The following ZNF608 variants were observed in gnomAD, a reference collection of about 807,000 sequenced individuals.
ZNF608 encodes renal carcinoma antigen NY-REN-36.
ZNF608 carries 12 observed loss-of-function variants against 109.0 expected under a neutral mutation model. That is an observed-to-expected ratio of 0.11 (90% CI 0.07 to 0.18). The LOEUF (loss-of-function observed/expected upper bound fraction) is 0.18. ZNF608 is among the 10% of genes least tolerant of loss of function. The pLI is 1.00. For missense variants in ZNF608, 1,707 were observed against 1,879.3 expected, an observed-to-expected ratio of 0.91 and a Z score of 1.70; for synonymous variants, 732 against 717.4, an observed-to-expected ratio of 1.02 and a Z score of -0.33.
rs567194547 is a variant in ZNF608, at chr5:124,746,388, G to C, written c.-377C>G. ...CCTCCCCACCCCCCTTTTGGCAAAC[G>C]AATCAGTCCTTTTCTCCTTAAAAAA... On this transcript the variant is annotated 5_prime_UTR_variant, in exon 1 of 10. Transcript: ENST00000513986. The C allele has an allele frequency of 1.0e-5, 10 of 984,856 alleles. No individual in the cohort carries two copies. In the East Asian group the frequency reaches 1.0e-3, roughly 101 times the overall value. 61.0% of individuals were successfully genotyped at this position (984,856 alleles called of 1,614,324 possible). A position where few individuals can be genotyped will look rare whatever the true frequency, so the allele number is the denominator to read the frequency against.
Position 124,643,796 on chromosome 5 carries a change from A to G in ZNF608, c.4124-113T>C, listed in dbSNP as rs1750361943. 3.8e-6 allele frequency: 4 copies of G among 1,046,168 alleles called. No individual in the cohort carries two copies. In the East Asian group the frequency reaches 7.7e-5, roughly 20 times the overall value. The allele number at this position is 1,046,168 out of a possible 1,614,324, so 64.8% of individuals were successfully genotyped here. A position where few individuals can be genotyped will look rare whatever the true frequency, so the allele number is the denominator to read the frequency against. On this transcript the variant is annotated intron_variant, in intron 6 of 9. Transcript: ENST00000513986. ...CAAAGAGATCTTAAAATAGGGGGTT[A>G]CATTAAGAATGGGCTACATCATCAT...
In ZNF608 at chr5:124,647,515, C is replaced by T. The variant is rs755768822; in HGVS notation, c.2869G>A (p.Gly957Ser). ...DDGGSDSRSE[G>S]MRSKASSPSD... ...GGGGAACTGGCCTTTGATCTCATAC[C>T]CTCCGACCTGCTGTCAGAACCACCA... The change falls in exon 5 of 10, where the codon GGT (glycine) becomes AGT (serine). Residue 957 changes from glycine (G) to serine (S), a missense_variant. This residue lies in a region of ZNF608 where 1,073 missense variants were observed against 1,133.5 expected (regional missense o/e 0.95). Coordinates refer to ENST00000513986, the MANE Select transcript of ZNF608 (RefSeq NM_020747.3). 1 of 1,614,182 alleles carries T rather than the reference C, an allele frequency of 6.2e-7. No homozygotes were observed. Among genetic ancestry groups the T allele is most frequent in the South Asian group, 1.1e-5 (1 of 91,082 alleles).
At chr5:124,703,090 T>G (rs113091372) in intron 2 of ZNF608, among the ~76,000 whole-genome samples, 7,362 of 146,474 alleles carry the variant, frequency 0.05, 579 homozygotes, top group African/African-American at 0.17. Context: ...AAACCAGTGG[T>G]TTTTTTTTTG....
chr5:124,636,967 AG>A lies in ZNF608; in HGVS notation c.*932del, dbSNP rs1750010043. On this transcript the variant is annotated 3_prime_UTR_variant, in exon 10 of 10. Coordinates refer to ENST00000513986, the MANE Select transcript of ZNF608 (RefSeq NM_020747.3). ...TTCTGATTGCCAAATTATTTAAGGC[AG>A]GTATAAAAAAGGAAAGCATTCAATA... is the stretch of plus-strand genomic sequence containing the variant. 6.6e-6 allele frequency: 1 copy of A among 152,456 alleles called. No homozygotes were observed. The highest frequency in any genetic ancestry group is 1.5e-5 in the Non-Finnish European group (1 of 67,996). The allele number at this position is 152,456 out of a possible 1,614,324, so 9.4% of individuals were successfully genotyped here.
rs779314097 is a variant in ZNF608, at chr5:124,641,341, G to T, written c.4361C>A (p.Pro1454His). The change falls in exon 8 of 10, where the codon CCC becomes CAC. Residue 1454 changes from proline (P) to histidine (H), a missense_variant. Pro to His is a moderately conservative substitution (Grantham distance 77). Around this residue, in one of 7 missense-constraint regions of ZNF608, gnomAD observed 1,073 missense variants for 1,133.5 expected, o/e 0.95. Transcript: ENST00000513986. ...CGTGTGCAGGTGCCGCTGGCCGAAG[G>T]GGGAGTGGCGATCCCTTTCCCTTTC... The part of the protein sequence containing the change: ...EAERERDRHS[P>H]FGQRHLHTHH... 5 of 1,614,084 alleles carry T rather than the reference G, an allele frequency of 3.1e-6. No individual in the cohort carries two copies. In the South Asian group the frequency reaches 3.3e-5, roughly 11 times the overall value.
At chr5:124,702,320 C>A (rs1753084814) in intron 2 of ZNF608, among the ~76,000 whole-genome samples, 1 of 152,136 alleles carries the variant, frequency 6.6e-6, no homozygotes, top group Non-Finnish European at 1.5e-5. Flanking sequence ...TAGAAACGGC[C>A]TACATTTAAG....
In ZNF608 at chr5:124,677,950, G is replaced by A. The variant is rs77524373; in HGVS notation, c.1162+23064C>T. On this transcript the variant is annotated intron_variant, in intron 3 of 9. Transcript: ENST00000513986. The stretch of plus-strand genomic sequence containing the variant: ...CCTCTCTGCAGATGAACCCAAAGGC[G>A]TTCTCATCCTGCTAGATTTTATTAG... Among the ~76,000 whole-genome samples, 60 of 152,198 alleles carry A rather than the reference G, an allele frequency of 3.9e-4. 1 individual carries two copies. In the East Asian group the frequency reaches 6.8e-3, roughly 17 times the overall value.
intron 2 of ZNF608, among the ~76,000 whole-genome samples, chr5:124,720,000 T>G (rs1368954941): frequency 6.6e-6 from 1 of 152,194 alleles, no homozygotes; most frequent in Non-Finnish European, 1.5e-5. Context: ...CGTTGAAGTC[T>G]GTCAAAACAA....
chr5:124,669,438 T>C (rs1335141567), intron 3 of ZNF608, among the ~76,000 whole-genome samples: 1 of 152,134 alleles, frequency 6.6e-6, no homozygotes, highest in Non-Finnish European at 1.5e-5. Context: ...ATGGAGATGG[T>C]TCAGCACCCA....
In ZNF608 at chr5:124,648,272, T is replaced by C; in HGVS notation, c.2112A>G (p.Gly704=). The change falls in exon 5 of 10, where the codon GGA becomes GGG. Residue 704 remains glycine, a synonymous_variant. Coordinates refer to ENST00000513986, the MANE Select transcript of ZNF608 (RefSeq NM_020747.3). ...CTCCTAAATTTTTCTTGTCAATTAA[T>C]CCTTCTGCTTCCAGTTTAGGCATCT... ...AAEMPKLEAE[G]LIDKKNLGDK... is the part of the protein sequence containing the mutation. 2 of 1,614,232 alleles carry C rather than the reference T, an allele frequency of 1.2e-6. No individual in the cohort carries two copies. The highest frequency in any genetic ancestry group is 1.7e-6 in the Non-Finnish European group (2 of 1,180,046).
At chr5:124,688,250 G>A (rs6860706) in intron 3 of ZNF608, among the ~76,000 whole-genome samples, 139,262 of 152,070 alleles carry the variant, frequency 0.92, 63,967 homozygotes, top group East Asian at 1. Context: ...CAGAAGTTAA[G>A]TCCCAACCTT....
rs766897840 is a variant in ZNF608 at position 124,745,042 on chromosome 5, G to A, written c.-53C>T. The A allele has an allele frequency of 6.5e-7, 1 of 1,537,702 alleles. No individual in the cohort carries two copies. Among genetic ancestry groups the A allele is most frequent in the Non-Finnish European group, 8.7e-7 (1 of 1,149,290 alleles). On this transcript the variant is annotated 5_prime_UTR_variant, in exon 2 of 10. Coordinates refer to ENST00000513986, the MANE Select transcript of ZNF608 (RefSeq NM_020747.3). ...ATCCGATGAACTTTTCTTTGGAGAT[G>A]AGGGGACATTCGTTTATCTCCGCTG...
intron 3 of ZNF608, among the ~76,000 whole-genome samples, chr5:124,656,677 T>C (rs975849684): frequency 6.6e-6 from 1 of 152,144 alleles, no homozygotes; most frequent in Non-Finnish European, 1.5e-5. Context: ...TAATCTTTCT[T>C]ACTTGACTGT....
chr5:124,641,282 G>C lies in ZNF608; in HGVS notation c.4420C>G (p.Leu1474Val). 2 of 1,613,892 alleles carry C rather than the reference G, an allele frequency of 1.2e-6. No individual in the cohort carries two copies. Among genetic ancestry groups the C allele is most frequent in the Non-Finnish European group, 8.5e-7 (1 of 1,180,026 alleles). ...HHTHVGMGYP[L>V]IPGQYDPFQG... is the part of the protein sequence containing the mutation. ...AAAGGGTCATATTGACCCGGGATTA[G>C]CGGGTAACCCATGCCAACGTGGGTG... The change falls in exon 8 of 10, where the codon CTA (leucine) becomes GTA (valine). Residue 1474 changes from leucine (L) to valine (V), a missense_variant. Transcript: ENST00000513986.
At chr5:124,738,334 C>G (rs1390052105) in intron 2 of ZNF608, among the ~76,000 whole-genome samples, 1 of 152,182 alleles carries the variant, frequency 6.6e-6, no homozygotes, top group Non-Finnish European at 1.5e-5. Context: ...TTCCTTAGTT[C>G]TGACTTCCAT....
chr5:124,740,055 C>T (rs752062243), intron 2 of ZNF608, among the ~76,000 whole-genome samples: 1 of 152,216 alleles, frequency 6.6e-6, no homozygotes, highest in Admixed American at 6.5e-5. Context: ...TCCCTCCCCC[C>T]ACCGTTTTTT....
chr5:124,651,030 T>C (rs2149792852), intron 3 of ZNF608, among the ~76,000 whole-genome samples: 1 of 152,368 alleles, frequency 6.6e-6, no homozygotes, highest in South Asian at 2.1e-4. Flanking sequence ...GTTTCCCATA[T>C]GGTCTATGTT....
At chr5:124,686,830 C>A (rs141930604) in intron 3 of ZNF608, among the ~76,000 whole-genome samples, 1 of 152,170 alleles carries the variant, frequency 6.6e-6, no homozygotes, top group Admixed American at 6.5e-5. Context: ...ACAAGTAAGT[C>A]CTCGAAGAGC....
At chr5:124,705,049 A>G (rs1753203723) in intron 2 of ZNF608, among the ~76,000 whole-genome samples, 1 of 152,158 alleles carries the variant, frequency 6.6e-6, no homozygotes, top group South Asian at 2.1e-4. Context: ...TGTGTATCTC[A>G]GTGTCAAACG....
Sources: gnomAD v4.1 joint callset for allele counts (sites outside exome capture counted in the v4.1 genomes callset) on GRCh38, gnomAD v4.1.1 for gene constraint, gnomAD v4.1.1 regional missense constraint, MANE v1.5 for transcripts, NCBI Gene and HGNC (gene_info 2026-07-23, HGNC 2026-07-21) for gene names.